Variants in RASSF3 observed in about 807,000 individuals in gnomAD.
RASSF3 encodes the protein Ras association domain family member 3.
In RASSF3, 19 loss-of-function variants were observed where a neutral mutation model predicts 19.9. The observed-to-expected ratio is 0.96, with a 90% CI of 0.67 to 1.40. The LOEUF is 1.40. RASSF3 is among the 40% of genes most tolerant of loss of function. The pLI is 0.00. For synonymous variants in RASSF3, 110 were observed against 104.2 expected (o/e 1.06, Z -0.34); for missense variants, 306 against 289.8 (o/e 1.06, Z -0.41).
chr12:64,594,156 G>C (rs1869964544), intron 2 of RASSF3, among the ~76,000 whole-genome samples: 1 of 151,932 alleles, frequency 6.6e-6, no homozygotes, highest in Non-Finnish European at 1.5e-5. Context: ...AACGTAGTGA[G>C]ACCCCATCTC....
intron 2 of RASSF3, among the ~76,000 whole-genome samples, chr12:64,603,913 T>C (rs1870138286): frequency 6.6e-6 from 1 of 152,144 alleles, no homozygotes; most frequent in Non-Finnish European, 1.5e-5. Flanking sequence ...AGTGGCACGA[T>C]CTTGGCTCAC....
At chr12:64,689,984 T>C (rs1868258625) in intron 3 of RASSF3, among the ~76,000 whole-genome samples, 1 of 151,454 alleles carries the variant, frequency 6.6e-6, no homozygotes, top group African/African-American at 2.4e-5. Flanking sequence ...AGAGACGGGA[T>C]TTCACTGTGT....
At chr12:64,585,205 A>G (rs967235518) in intron 2 of RASSF3, among the ~76,000 whole-genome samples, 1 of 152,026 alleles carries the variant, frequency 6.6e-6, no homozygotes, top group Admixed American at 6.6e-5. Context: ...TTAAATGTGA[A>G]CCAGATTACA....
chr12:64,618,788 G>A (rs1199663216), intron 1 of RASSF3, among the ~76,000 whole-genome samples: 1 of 152,112 alleles, frequency 6.6e-6, no homozygotes, highest in Non-Finnish European at 1.5e-5. Context: ...TTCTAAAACT[G>A]TGCTGTACAA....
chr12:64,529,739 T>A (rs1157106480), upstream of RASSF3, among the ~76,000 whole-genome samples: 3 of 152,186 alleles, frequency 2.0e-5, no homozygotes, highest in African/African-American at 7.2e-5. Flanking sequence ...AGATTTCTTA[T>A]TACTTACAAT....
At chr12:64,574,882 G>A (rs1869571941) in intron 2 of RASSF3, among the ~76,000 whole-genome samples, 6 of 152,124 alleles carry the variant, frequency 3.9e-5, no homozygotes, top group Admixed American at 3.9e-4. Flanking sequence ...TATATCACTG[G>A]CTTTGTGGTT....
At chr12:64,671,931 G>C (rs1872714425) in intron 1 of RASSF3, among the ~76,000 whole-genome samples, 1 of 152,228 alleles carries the variant, frequency 6.6e-6, no homozygotes, top group Non-Finnish European at 1.5e-5. Context: ...TGAGTGGCCT[G>C]TAGGGCGGAA....
At chr12:64,626,289 CTT>C (rs1440298990) in intron 1 of RASSF3, among the ~76,000 whole-genome samples, 4 of 151,904 alleles carry the variant, frequency 2.6e-5, no homozygotes, top group Non-Finnish European at 5.9e-5. Context: ...AATCCCAACA[CTT>C]TGGGAGGCCG....
chr12:64,694,621 C>A, intron 4 of RASSF3, 142 bp from the exon 5 acceptor site: 1 of 855,868 alleles, frequency 1.2e-6, no homozygotes, highest in Middle Eastern at 2.6e-4. Flanking sequence ...GCTGGCAACA[C>A]CCCAGCTCTT....
At chr12:64,573,924 GTTACTTT>G (rs1238121308) in intron 2 of RASSF3, among the ~76,000 whole-genome samples, 3 of 152,074 alleles carry the variant, frequency 2.0e-5, no homozygotes, top group African/African-American at 7.2e-5. Flanking sequence ...CCACAGCAAG[GTTACTTT>G]AATAATTCAA....
chr12:64,519,055 G>A (rs140053710), intron 1 of RASSF3, among the ~76,000 whole-genome samples: 1 of 152,224 alleles, frequency 6.6e-6, no homozygotes, highest in African/African-American at 2.4e-5. Context: ...TCATGCATGG[G>A]TATATGATTT....
At chr12:64,660,924 C>G (rs943222292) in intron 1 of RASSF3, among the ~76,000 whole-genome samples, 13 of 152,162 alleles carry the variant, frequency 8.5e-5, no homozygotes, top group African/African-American at 3.1e-4. Context: ...CACTGGAGCA[C>G]ACGAGCTTTC....
chr12:64,549,663 G>A (rs948328237), intron 2 of RASSF3, among the ~76,000 whole-genome samples: 2 of 152,158 alleles, frequency 1.3e-5, no homozygotes, highest in African/African-American at 4.8e-5. Flanking sequence ...CTCCTGTGGG[G>A]GGTGTTGACA....
intron 1 of RASSF3, among the ~76,000 whole-genome samples, chr12:64,656,237 A>G (rs561303096): frequency 6.6e-6 from 1 of 152,232 alleles, no homozygotes; most frequent in South Asian, 2.1e-4. Context: ...ACTGTGGGAC[A>G]TGTAGGAGTA....
chr12:64,665,988 G>C (rs1284699384), intron 1 of RASSF3, among the ~76,000 whole-genome samples: 1 of 152,204 alleles, frequency 6.6e-6, no homozygotes, highest in Non-Finnish European at 1.5e-5. Context: ...GCCCTCAAAG[G>C]GCAGGTATTT....
chr12:64,689,220 GGTGTGTGTGTGT>G (rs10688391), intron 3 of RASSF3, among the ~76,000 whole-genome samples: 4 of 147,444 alleles, frequency 2.7e-5, no homozygotes, highest in Admixed American at 6.8e-5. Context: ...TTGAAATCGG[GGTGTGTGTGTGT>G]GTGTGTGTGT....
intron 1 of RASSF3, among the ~76,000 whole-genome samples, chr12:64,669,694 C>T (rs1048551245): frequency 6.6e-6 from 1 of 151,678 alleles, no homozygotes. Context: ...CAGCAGACCA[C>T]GGCCAGGGTT....
At chr12:64,677,938 A>G (rs1872967306) in intron 1 of RASSF3, among the ~76,000 whole-genome samples, 1 of 152,154 alleles carries the variant, frequency 6.6e-6, no homozygotes, top group African/African-American at 2.4e-5. Context: ...TCTGTAGCTC[A>G]TGGAAATCAC....
At chr12:64,509,270 C>T (rs1039708179) in intron 1 of RASSF3, among the ~76,000 whole-genome samples, 2 of 151,834 alleles carry the variant, frequency 1.3e-5, no homozygotes, top group Non-Finnish European at 2.9e-5. Flanking sequence ...GCCAACATGG[C>T]GAATCCCTGT....
Sources: gnomAD v4.1 joint callset for allele counts (sites outside exome capture counted in the v4.1 genomes callset) on GRCh38, gnomAD v4.1.1 for gene constraint, MANE v1.5 for transcripts, NCBI Gene and HGNC (gene_info 2026-07-23, HGNC 2026-07-21) for gene names.